The following AFG2A variants were observed in gnomAD, a reference collection of about 807,000 sequenced individuals.
AFG2A encodes ATPase family gene 2 protein homolog A.
chr4:123,283,322 T>G, the AFG2A span, among the ~76,000 whole-genome samples: 63 of 151,800 alleles, frequency 4.2e-4, no homozygotes, highest in African/African-American at 1.3e-3. Flanking sequence ...AAACTTTGAT[T>G]TCATACTAGT....
the AFG2A span, among the ~76,000 whole-genome samples, chr4:123,280,989 C>G: frequency 6.6e-6 from 1 of 151,726 alleles, no homozygotes; most frequent in Non-Finnish European, 1.5e-5. Context: ...TCAGATATTA[C>G]CATTTTTTTG....
chr4:122,927,857 A>G, the AFG2A span: 2 of 1,484,890 alleles, frequency 1.3e-6, no homozygotes, highest in South Asian at 2.5e-5. Flanking sequence ...CATGGTAGTC[A>G]AAGGAAATGC....
the AFG2A span, among the ~76,000 whole-genome samples, chr4:122,982,767 T>C: frequency 6.6e-6 from 1 of 152,074 alleles, no homozygotes; most frequent in Non-Finnish European, 1.5e-5. Context: ...ATTGTTGCCA[T>C]GTAATTGTTC....
At chr4:122,927,509 C>G in the AFG2A span, 1 of 924,448 alleles carries the variant, frequency 1.1e-6, no homozygotes. Context: ...ACACTAGTTT[C>G]TCCAGGGTAT....
chr4:123,304,875 T>G, the AFG2A span, among the ~76,000 whole-genome samples: 2 of 152,122 alleles, frequency 1.3e-5, no homozygotes, highest in Non-Finnish European at 2.9e-5. Flanking sequence ...CTCCTCCAGC[T>G]TGGTCGCGTC....
the AFG2A span, among the ~76,000 whole-genome samples, chr4:122,942,759 C>T: frequency 2.6e-5 from 4 of 151,404 alleles, no homozygotes; most frequent in South Asian, 6.4e-4. Context: ...CCTGCTTTCT[C>T]TTGTGGGCAT....
At chr4:122,955,982 AAG>A in the AFG2A span, among the ~76,000 whole-genome samples, 5 of 152,182 alleles carry the variant, frequency 3.3e-5, no homozygotes, top group African/African-American at 7.2e-5. Flanking sequence ...GGTGGTAATG[AAG>A]AGTCTGGATT....
the AFG2A span, among the ~76,000 whole-genome samples, chr4:122,981,463 CTT>C: frequency 0.016 from 1,895 of 118,960 alleles, 35 homozygotes; most frequent in African/African-American, 0.044. Flanking sequence ...ATGCCTACAG[CTT>C]TTTTTTTTTT....
the AFG2A span, among the ~76,000 whole-genome samples, chr4:123,251,975 A>G: frequency 6.6e-6 from 1 of 152,132 alleles, no homozygotes; most frequent in Non-Finnish European, 1.5e-5. Flanking sequence ...AAAAGTATAC[A>G]ACAGCATTTT....
the AFG2A span, among the ~76,000 whole-genome samples, chr4:122,955,887 T>C: frequency 6.6e-6 from 1 of 152,156 alleles, no homozygotes; most frequent in African/African-American, 2.4e-5. Context: ...TCACAGGGAT[T>C]AGTGGGCCTG....
chr4:123,171,133 T>C, the AFG2A span, among the ~76,000 whole-genome samples: 18 of 152,322 alleles, frequency 1.2e-4, no homozygotes, highest in African/African-American at 3.8e-4. Flanking sequence ...TTAGCCTCTT[T>C]GTATTTCAGT....
chr4:123,088,136 A>G, the AFG2A span, among the ~76,000 whole-genome samples: 1 of 151,994 alleles, frequency 6.6e-6, no homozygotes, highest in East Asian at 1.9e-4. Flanking sequence ...ATACATTTTC[A>G]CTTTACTGTT....
chr4:122,941,494 A>T, the AFG2A span, among the ~76,000 whole-genome samples: 1 of 152,212 alleles, frequency 6.6e-6, no homozygotes, highest in Non-Finnish European at 1.5e-5. Context: ...GTATCCTGGG[A>T]CTTTGCTGAA....
At chr4:123,280,836 G>C in the AFG2A span, among the ~76,000 whole-genome samples, 1 of 152,044 alleles carries the variant, frequency 6.6e-6, no homozygotes, top group Non-Finnish European at 1.5e-5. Context: ...CACGGTTCCA[G>C]GGATTAGAAG....
the AFG2A span, among the ~76,000 whole-genome samples, chr4:123,191,853 A>T: frequency 5.3e-5 from 8 of 152,186 alleles, no homozygotes; most frequent in East Asian, 1.5e-3. Flanking sequence ...ATGTTCACAC[A>T]TATCCTCTCC....
chr4:123,306,818 A>T, the AFG2A span, among the ~76,000 whole-genome samples: 13 of 152,306 alleles, frequency 8.5e-5, no homozygotes, highest in East Asian at 2.5e-3. Context: ...TGAAATACTC[A>T]GATTTATAGA....
chr4:123,221,021 G>C, the AFG2A span, among the ~76,000 whole-genome samples: 1 of 152,168 alleles, frequency 6.6e-6, no homozygotes, highest in Non-Finnish European at 1.5e-5. Context: ...AATTTCTTTA[G>C]TGATTGTCTC....
At chr4:123,238,450 C>T in the AFG2A span, among the ~76,000 whole-genome samples, 4 of 152,076 alleles carry the variant, frequency 2.6e-5, no homozygotes, top group East Asian at 5.8e-4. Context: ...CTCATACAGG[C>T]GGGTTTCCCT....
the AFG2A span, among the ~76,000 whole-genome samples, chr4:123,099,704 T>C: frequency 6.6e-6 from 1 of 151,864 alleles, no homozygotes; most frequent in Non-Finnish European, 1.5e-5. Flanking sequence ...TAATCTTTAA[T>C]TTTTTAAAAT....
Sources: allele counts gnomAD v4.1 joint callset (sites outside exome capture counted in the v4.1 genomes callset), GRCh38; gene constraint gnomAD v4.1.1; transcripts MANE v1.5; gene names NCBI Gene and HGNC (gene_info 2026-07-23, HGNC 2026-07-21).